Variants in LRFN2 observed in about 807,000 individuals in gnomAD.
LRFN2 encodes leucine rich repeat and fibronectin type III domain containing 2, also known as leucine-rich repeat and fibronectin type-III domain-containing protein 2.
In LRFN2, 18 loss-of-function variants were observed where a neutral mutation model predicts 37.3. The observed-to-expected ratio is 0.48, with a 90% confidence interval of 0.33 to 0.72. The LOEUF is 0.72. Ranked by LOEUF, LRFN2 falls within the 30% of genes least tolerant of loss-of-function variation. The pLI is 0.02. For synonymous variants in LRFN2, 556 were observed against 466.6 expected (o/e 1.19, Z -2.47); for missense variants, 1,006 against 1,060.7 (o/e 0.95, Z 0.72).
chr6:40,498,844 T>C (rs1291412752), intron 1 of LRFN2, among the ~76,000 whole-genome samples: 3 of 152,062 alleles, frequency 2.0e-5, no homozygotes, highest in Non-Finnish European at 2.9e-5. Flanking sequence ...ATACAGAGAC[T>C]CTACACAAAC....
chr6:40,446,658 T>C (rs1763976900), intron 1 of LRFN2, among the ~76,000 whole-genome samples: 1 of 152,210 alleles, frequency 6.6e-6, no homozygotes, highest in African/African-American at 2.4e-5. Flanking sequence ...TTTCTTTCTG[T>C]CCTCTGGGAG....
intron 1 of LRFN2, among the ~76,000 whole-genome samples, chr6:40,577,101 T>TCTCTTCTC (rs1767296537): frequency 7.2e-6 from 1 of 139,386 alleles, no homozygotes; most frequent in African/African-American, 2.6e-5. Flanking sequence ...TTCTTTTCTT[T>TCTCTTCTC]TCCTTTCTTT....
chr6:40,567,824 G>A (rs1027009033), intron 1 of LRFN2, among the ~76,000 whole-genome samples: 15 of 152,148 alleles, frequency 9.9e-5, no homozygotes, highest in East Asian at 3.9e-4. Context: ...TGGCTAAAGC[G>A]GAGGTGCTGG....
At chr6:40,486,049 G>C (rs374338231) in intron 1 of LRFN2, among the ~76,000 whole-genome samples, 1 of 152,212 alleles carries the variant, frequency 6.6e-6, no homozygotes, top group African/African-American at 2.4e-5. Context: ...CCCTCCTGCG[G>C]GGCGAGGGTG....
intron 1 of LRFN2, among the ~76,000 whole-genome samples, chr6:40,463,761 C>G (rs537185723): frequency 5.8e-4 from 85 of 146,088 alleles, no homozygotes; most frequent in Non-Finnish European, 9.6e-4. Context: ...ACTGCAGCCT[C>G]AACCTCTTGG....
Position 40,587,098 on chromosome 6 carries a change from G to A in LRFN2, c.-176C>T, listed in dbSNP as rs1210457539. 6.6e-6 allele frequency: 1 copy of A among 152,204 alleles called. No homozygotes were observed. Among genetic ancestry groups the A allele is most frequent in the Non-Finnish European group, 1.5e-5 (1 of 68,044 alleles). The allele number at this position is 152,204 out of a possible 1,614,324, so 9.4% of individuals were successfully genotyped here. A position where few individuals can be genotyped will look rare whatever the true frequency, so the allele number is the denominator to read the frequency against. On this transcript the variant is annotated 5_prime_UTR_variant, in exon 1 of 3. Coordinates refer to ENST00000338305, the MANE Select transcript of LRFN2 (RefSeq NM_020737.3). The surrounding 1 kb of genome is among the most constrained non-coding windows in gnomAD (Gnocchi z 4.2). Reference sequence around the variant, plus strand: ...GCGAATGCAGGCAGATGGTGGCCTCGGACGTCCACGCGGGGAAAGCCCTGA... The same window carrying A: ...GCGAATGCAGGCAGATGGTGGCCTCAGACGTCCACGCGGGGAAAGCCCTGA...
chr6:40,413,577 G>C (rs578067397), intron 2 of LRFN2, among the ~76,000 whole-genome samples: 54 of 152,298 alleles, frequency 3.5e-4, no homozygotes, highest in African/African-American at 1.3e-3. Flanking sequence ...AGCAGCCATG[G>C]TTCAAGTGGC....
chr6:40,432,285 A>G lies in LRFN2; in HGVS notation c.829T>C (p.Trp277Arg). ...SPGGLKGRYF[W>R]HVREEEFVCE... ...ACAAACTCCTCCTCACGCACATGCC[A>G]GAAGTAGCGACCCTTGAGGCCCCCT... Residue 277 changes from tryptophan to arginine, a missense_variant, in exon 2 of 3, where the codon TGG (tryptophan) becomes CGG (arginine). By Grantham distance (101) the Trp-to-Arg change is moderately radical (BLOSUM62 -3). Transcript: ENST00000338305. The G allele has an allele frequency of 6.2e-7, 1 of 1,614,118 alleles. No individual in the cohort carries two copies. Among genetic ancestry groups the G allele is most frequent in the Non-Finnish European group, 8.5e-7 (1 of 1,180,042 alleles).
At position 40,431,592 on chromosome 6, in the gene LRFN2, G is replaced by T. The variant is rs1163730857; in HGVS notation, c.1400+122C>A. On this transcript the variant is annotated intron_variant, in intron 2 of 2. Transcript: ENST00000338305. ...TGCACGAATGGCACAGTTTGCCCCA[G>T]AATCCCCACAGACACCTTTGGGGAA... The T allele has an allele frequency of 5.2e-6, 4 of 772,446 alleles. No homozygotes were observed. The Admixed American group carries it at 1.0e-4, about 19-fold the overall frequency. The allele number at this position is 772,446 out of a possible 1,614,324, so 47.8% of individuals were successfully genotyped here.
chr6:40,488,688 C>T (rs527301787), intron 1 of LRFN2, among the ~76,000 whole-genome samples: 44 of 152,280 alleles, frequency 2.9e-4, no homozygotes, highest in African/African-American at 1.1e-3. Flanking sequence ...CCTCCATGAT[C>T]CCTACAACCT....
chr6:40,539,404 A>T (rs141198845), intron 1 of LRFN2, among the ~76,000 whole-genome samples: 2 of 152,348 alleles, frequency 1.3e-5, no homozygotes, highest in African/African-American at 4.8e-5. Flanking sequence ...AGAATAGAGG[A>T]ATAAATAAAG....
chr6:40,461,432 A>G (rs1215838271), intron 1 of LRFN2, among the ~76,000 whole-genome samples: 1 of 152,034 alleles, frequency 6.6e-6, no homozygotes, highest in Non-Finnish European at 1.5e-5. Context: ...AAAAACTAAA[A>G]AAAAGAAATT....
chr6:40,555,999 CAAT>C (rs1766868645), intron 1 of LRFN2, among the ~76,000 whole-genome samples: 1 of 151,854 alleles, frequency 6.6e-6, no homozygotes, highest in Admixed American at 6.6e-5. Context: ...ATAATCTCAA[CAAT>C]AATGATACAG....
intron 1 of LRFN2, among the ~76,000 whole-genome samples, chr6:40,478,203 C>T (rs1403671463): frequency 6.6e-6 from 1 of 152,162 alleles, no homozygotes; most frequent in Non-Finnish European, 1.5e-5. Flanking sequence ...CCTGTCTCCA[C>T]CCCTGAGTTG....
At chr6:40,405,808 G>T (rs1581681016) in intron 2 of LRFN2, among the ~76,000 whole-genome samples, 1 of 152,188 alleles carries the variant, frequency 6.6e-6, no homozygotes, top group African/African-American at 2.4e-5. Flanking sequence ...AGAGATGACA[G>T]GAAATTAGGC....
intron 1 of LRFN2, among the ~76,000 whole-genome samples, chr6:40,508,937 A>C (rs1429411257): frequency 6.6e-6 from 1 of 152,200 alleles, no homozygotes; most frequent in Non-Finnish European, 1.5e-5. Flanking sequence ...TGGGTTGATA[A>C]GATCATCTCC....
At chr6:40,546,847 G>A (rs554053386) in intron 1 of LRFN2, among the ~76,000 whole-genome samples, 17 of 152,334 alleles carry the variant, frequency 1.1e-4, no homozygotes, top group African/African-American at 3.8e-4. Flanking sequence ...GTATGCGATA[G>A]AGTCAAGTTT....
intron 1 of LRFN2, among the ~76,000 whole-genome samples, chr6:40,485,245 A>G (rs1764926959): frequency 6.6e-6 from 1 of 152,102 alleles, no homozygotes; most frequent in Non-Finnish European, 1.5e-5. Context: ...TCAGTGTGGA[A>G]ATCTATGAAC....
chr6:40,463,137 A>G (rs1007943665), intron 1 of LRFN2, among the ~76,000 whole-genome samples: 2 of 152,222 alleles, frequency 1.3e-5, no homozygotes, highest in Admixed American at 1.3e-4. Context: ...CATGCAGGGT[A>G]ATAAGGTGCA....
Sources: allele counts gnomAD v4.1 joint callset (sites outside exome capture counted in the v4.1 genomes callset), GRCh38; gene constraint gnomAD v4.1.1; non-coding constraint Gnocchi (gnomAD v3.1); transcripts MANE v1.5; gene names NCBI Gene and HGNC (gene_info 2026-07-23, HGNC 2026-07-21).